GUCY1B1: variants seen among roughly 807,000 people sequenced by gnomAD.
The protein encoded by GUCY1B1 is guanylate cyclase 1 soluble subunit beta 1.
In GUCY1B1, 43 loss-of-function variants were observed where a neutral mutation model predicts 71.0. The ratio of observed to expected loss-of-function variants is 0.61; its 90% CI spans 0.47 to 0.78. GUCY1B1 has a LOEUF of 0.78. Among genes scored for constraint, GUCY1B1 ranks in the 30% least tolerant of loss-of-function variants. The pLI, the probability that GUCY1B1 is intolerant of heterozygous loss-of-function variation, is 0.00. For missense variants in GUCY1B1, 535 were observed against 754.1 expected (o/e 0.71, Z 3.40); for synonymous variants, 266 against 259.7 (o/e 1.02, Z -0.23).
At chr4:155,780,743 T>C (rs189826887) in intron 4 of GUCY1B1, among the ~76,000 whole-genome samples, 2 of 30,528 alleles carry the variant, frequency 6.6e-5, no homozygotes, top group African/African-American at 4.7e-4. Context: ...GATCCTGTAA[T>C]TTTTTTTACG....
At chr4:155,786,338 A>T (rs1027704836) in intron 4 of GUCY1B1, among the ~76,000 whole-genome samples, 3 of 140,916 alleles carry the variant, frequency 2.1e-5, no homozygotes, top group Non-Finnish European at 4.5e-5. Flanking sequence ...CAGTGGTGAG[A>T]TCTGGGCTCA....
intron 5 of GUCY1B1, among the ~76,000 whole-genome samples, chr4:155,790,371 GTTTGTT>G (rs1038413010): frequency 4.6e-5 from 7 of 152,204 alleles, no homozygotes; most frequent in Non-Finnish European, 1.0e-4. Context: ...GAATGAAAGT[GTTTGTT>G]TTTGTTTTTG....
intron 6 of GUCY1B1, among the ~76,000 whole-genome samples, chr4:155,794,533 G>A (rs1739412100): frequency 6.6e-6 from 1 of 152,190 alleles, no homozygotes; most frequent in Non-Finnish European, 1.5e-5. Flanking sequence ...GATGGATTCA[G>A]TAGAAAAAGC....
intron 3 of GUCY1B1, 113 bp from the exon 4 acceptor site, chr4:155,777,411 C>A: frequency 1.5e-6 from 1 of 661,330 alleles, no homozygotes; most frequent in Non-Finnish European, 2.7e-6. Flanking sequence ...GCTTGCCATG[C>A]ACAAAAATTG....
intron 2 of GUCY1B1, among the ~76,000 whole-genome samples, chr4:155,770,019 T>A (rs921037578): frequency 1.3e-5 from 2 of 152,170 alleles, no homozygotes; most frequent in Admixed American, 6.6e-5. Context: ...CCATATAAAT[T>A]CTACTTGTCA....
chr4:155,767,983 A>G (rs376557581), intron 2 of GUCY1B1, among the ~76,000 whole-genome samples: 32 of 152,248 alleles, frequency 2.1e-4, no homozygotes, highest in African/African-American at 7.7e-4. Context: ...TCAAAACGAC[A>G]CCTACGTACT....
At chr4:155,784,087 T>G in intron 4 of GUCY1B1, among the ~76,000 whole-genome samples, 1 of 152,240 alleles carries the variant, frequency 6.6e-6, no homozygotes, top group East Asian at 1.9e-4. Flanking sequence ...ATAAGAGAAA[T>G]ATTTTAACTG....
intron 2 of GUCY1B1, 39 bp downstream of exon 2, chr4:155,759,899 G>A (rs1317997248): frequency 1.1e-5 from 17 of 1,498,262 alleles, no homozygotes; most frequent in Non-Finnish European, 1.4e-5. Context: ...CCAGGTCGGC[G>A]CCCAGTGTGG....
intron 4 of GUCY1B1, among the ~76,000 whole-genome samples, chr4:155,782,650 TA>T (rs765791948): frequency 3.3e-5 from 5 of 152,134 alleles, no homozygotes; most frequent in African/African-American, 1.2e-4. Flanking sequence ...TTGCGGGAGG[TA>T]AAATTCTCTT....
chr4:155,780,000 A>T (rs564355578), intron 4 of GUCY1B1, among the ~76,000 whole-genome samples: 29 of 152,134 alleles, frequency 1.9e-4, no homozygotes, highest in African/African-American at 5.3e-4. Flanking sequence ...GGGAGAGTCT[A>T]CCATTATCTA....
chr4:155,782,283 G>T (rs917282217), intron 4 of GUCY1B1, among the ~76,000 whole-genome samples: 2 of 152,078 alleles, frequency 1.3e-5, no homozygotes, highest in African/African-American at 4.8e-5. Context: ...TAGAGAGGGG[G>T]TTTCACCGTG....
intron 7 of GUCY1B1, 123 bp from the exon 8 acceptor site, chr4:155,796,254 G>A: frequency 2.3e-6 from 2 of 884,606 alleles, no homozygotes. Flanking sequence ...GCCCTCTCCT[G>A]TTCTAATGAT....
At chr4:155,783,580 C>T (rs903031024) in intron 4 of GUCY1B1, among the ~76,000 whole-genome samples, 3 of 152,118 alleles carry the variant, frequency 2.0e-5, no homozygotes, top group African/African-American at 7.2e-5. Flanking sequence ...TATCAACTAG[C>T]GCCTCTGTTC....
intron 4 of GUCY1B1, among the ~76,000 whole-genome samples, chr4:155,785,671 C>T (rs1395904524): frequency 6.6e-6 from 1 of 151,780 alleles, no homozygotes; most frequent in Non-Finnish European, 1.5e-5. Context: ...ATGAAAATAA[C>T]TTTTAATCAT....
chr4:155,761,194 G>A (rs1458690366), intron 2 of GUCY1B1, among the ~76,000 whole-genome samples: 1 of 152,116 alleles, frequency 6.6e-6, no homozygotes, highest in Non-Finnish European at 1.5e-5. Flanking sequence ...AGTTACTTTA[G>A]GATTTGAATT....
At chr4:155,782,783 C>G (rs1458376492) in intron 4 of GUCY1B1, among the ~76,000 whole-genome samples, 2 of 152,160 alleles carry the variant, frequency 1.3e-5, no homozygotes, top group African/African-American at 2.4e-5. Context: ...TATCTTGGAA[C>G]AGTTGCTGTT....
At chr4:155,759,928 C>A in intron 2 of GUCY1B1, 68 bp downstream of exon 2, 1 of 1,177,150 alleles carries the variant, frequency 8.5e-7, no homozygotes, top group Non-Finnish European at 1.3e-6. Context: ...CCGCGCCTCG[C>A]CTGGTCCTCA....
In GUCY1B1 at chr4:155,802,731, AAAT is replaced by A. The variant is rs1465134786; in HGVS notation, c.1413+156_1413+158del. 6.6e-6 allele frequency among the ~76,000 whole-genome samples: 1 copy of A among 152,162 alleles called. No individual in the cohort carries two copies. Among genetic ancestry groups the A allele is most frequent in the Non-Finnish European group, 1.5e-5 (1 of 68,020 alleles). ...TGTATTCACTCTTTACCATGTTCTT[AAAT>A]AATTGCCTCTTGTTATAAAACTGTC... On this transcript the variant is annotated intron_variant, in intron 10 of 13. Transcript: ENST00000264424. The surrounding 1 kb of genome is among the most constrained non-coding windows in gnomAD (Gnocchi z 4.3).
intron 5 of GUCY1B1, among the ~76,000 whole-genome samples, chr4:155,790,892 C>T (rs10018664): frequency 0.57 from 86,195 of 151,938 alleles, 24,835 homozygotes; most frequent in Middle Eastern, 0.76. Context: ...TACGTGGCAC[C>T]TTTTGGTGAT....
Sources: gnomAD v4.1 joint callset for allele counts (sites outside exome capture counted in the v4.1 genomes callset) on GRCh38, gnomAD v4.1.1 for gene constraint, Gnocchi (gnomAD v3.1) non-coding constraint, MANE v1.5 for transcripts, NCBI Gene and HGNC (gene_info 2026-07-23, HGNC 2026-07-21) for gene names.